WWC2: variants seen among roughly 807,000 people sequenced by gnomAD.
WWC2 encodes the protein WW and C2 domain containing 2.
A neutral mutation model predicts 138.5 loss-of-function variants in WWC2; 101 were observed. The observed-to-expected ratio is 0.73, with a 90% CI of 0.62 to 0.86. WWC2 has a LOEUF of 0.86. WWC2 is among the 40% of genes least tolerant of loss of function. WWC2 has a pLI of 0.00. For missense variants in WWC2, 1,420 were observed against 1,419.4 expected (o/e 1.00, Z -0.01); for synonymous variants, 558 against 538.4 (o/e 1.04, Z -0.50).
At chr4:183,255,487 C>T (rs187703861) in intron 9 of WWC2, among the ~76,000 whole-genome samples, 137 of 152,196 alleles carry the variant, frequency 9.0e-4, no homozygotes, top group African/African-American at 3.1e-3. Flanking sequence ...TTTTATGTGG[C>T]CCATGTATAA....
chr4:183,202,464 G>A (rs1400022068), intron 2 of WWC2, among the ~76,000 whole-genome samples: 1 of 152,240 alleles, frequency 6.6e-6, no homozygotes, highest in African/African-American at 2.4e-5. Flanking sequence ...GCAACATTAT[G>A]TGTCATACTA....
chr4:183,171,418 A>G (rs888018760), intron 1 of WWC2, among the ~76,000 whole-genome samples: 2 of 152,226 alleles, frequency 1.3e-5, no homozygotes, highest in African/African-American at 2.4e-5. Flanking sequence ...GTATATTGGT[A>G]ATATCTTCAT....
chr4:183,320,002 A>G lies in WWC2; in HGVS notation c.*4273A>G, dbSNP rs999612589. On this transcript the variant is annotated 3_prime_UTR_variant, in exon 23 of 23. Coordinates refer to ENST00000403733, the MANE Select transcript of WWC2 (RefSeq NM_024949.6). ...CTGGAGACCCTGAGTTCAGCAGGCA[A>G]AGCCAGGAAGGAGTCAAAGTCCTTG... 2 of 1,613,904 alleles carry G rather than the reference A, an allele frequency of 1.2e-6. No individual in the cohort carries two copies. The highest frequency in any genetic ancestry group is 1.7e-6 in the Non-Finnish European group (2 of 1,179,838).
At chr4:183,210,464 CTGTG>C (rs1175145006) in intron 4 of WWC2, among the ~76,000 whole-genome samples, 2 of 152,168 alleles carry the variant, frequency 1.3e-5, no homozygotes, top group Middle Eastern at 3.2e-3. Flanking sequence ...AAAATGGTAA[CTGTG>C]TGAGCTGATG....
intron 1 of WWC2, among the ~76,000 whole-genome samples, chr4:183,127,185 A>G (rs1732785467): frequency 1.3e-5 from 2 of 152,220 alleles, no homozygotes; most frequent in African/African-American, 4.8e-5. Flanking sequence ...TGATTCAAAG[A>G]TTAAACGTAT....
At position 183,099,504 on chromosome 4, in the gene WWC2, G is replaced by T; in HGVS notation, c.13G>T (p.Ala5Ser). The change falls in exon 1 of 23, where the codon GCC becomes TCC. Residue 5 changes from alanine to serine, a missense_variant. Transcript: ENST00000403733. MPRR[A>S]GSGQLPLPRG... ...GAGGCCGCCGACCATGCCTAGGAGGGCCGGGAGCGGTCAGCTGCCGCTGCC... is the reference window on the plus strand; with the variant it reads ...GAGGCCGCCGACCATGCCTAGGAGGTCCGGGAGCGGTCAGCTGCCGCTGCC... The T allele has an allele frequency of 7.2e-7, 1 of 1,384,316 alleles. No homozygotes were observed. Among genetic ancestry groups the T allele is most frequent in the Non-Finnish European group, 9.5e-7 (1 of 1,052,344 alleles). 85.8% of individuals were successfully genotyped at this position (1,384,316 alleles called of 1,614,324 possible).
rs566064852 is a variant in WWC2 at position 183,210,207 on chromosome 4, G to A, written c.522+1182G>A. ...TGCATTATATGTGGAACACTTATATGTTGACCCTTAAAAGGAGATCAAATA... is the reference window on the plus strand; with the variant it reads ...TGCATTATATGTGGAACACTTATATATTGACCCTTAAAAGGAGATCAAATA... On this transcript the variant is annotated intron_variant, in intron 4 of 22. Coordinates refer to ENST00000403733, the MANE Select transcript of WWC2 (RefSeq NM_024949.6). Among the ~76,000 whole-genome samples, 13 of 152,172 alleles carry A rather than the reference G, an allele frequency of 8.5e-5. No individual in the cohort carries two copies. In the East Asian group the frequency reaches 2.3e-3, roughly 27 times the overall value.
chr4:183,105,976 A>G (rs1743342947), intron 1 of WWC2, among the ~76,000 whole-genome samples: 1 of 151,666 alleles, frequency 6.6e-6, no homozygotes, highest in Non-Finnish European at 1.5e-5. Context: ...AATGTAGAAG[A>G]GGAAAGGGAT....
intron 1 of WWC2, among the ~76,000 whole-genome samples, chr4:183,182,445 C>CA (rs1416423218): frequency 4.6e-5 from 7 of 152,228 alleles, no homozygotes; most frequent in Non-Finnish European, 7.3e-5. Flanking sequence ...CTACCTCTCT[C>CA]AAACACTCAT....
At chr4:183,169,437 ATTT>A (rs55710913) in intron 1 of WWC2, among the ~76,000 whole-genome samples, 1 of 151,632 alleles carries the variant, frequency 6.6e-6, no homozygotes. Context: ...TTTTAAAATA[ATTT>A]TTTTTTTATT....
chr4:183,228,124 A>T (rs946353371), intron 4 of WWC2, among the ~76,000 whole-genome samples: 2 of 152,096 alleles, frequency 1.3e-5, no homozygotes, highest in East Asian at 3.8e-4. Flanking sequence ...GAAGAAAAAG[A>T]TATACCAATC....
At chr4:183,211,652 C>CG (rs1356511353) in intron 4 of WWC2, among the ~76,000 whole-genome samples, 1 of 152,134 alleles carries the variant, frequency 6.6e-6, no homozygotes, top group Non-Finnish European at 1.5e-5. Context: ...TGCTGAACTT[C>CG]ACGTCTCTTC....
chr4:183,133,579 C>A (rs1733009707), intron 1 of WWC2, among the ~76,000 whole-genome samples: 1 of 152,158 alleles, frequency 6.6e-6, no homozygotes, highest in South Asian at 2.1e-4. Flanking sequence ...TCACTGCAAC[C>A]TCTGCCTTCC....
chr4:183,256,884 GCCC>G lies in WWC2; in HGVS notation c.1197-2738_1197-2736del, dbSNP rs60733090. On this transcript the variant is annotated intron_variant, in intron 9 of 22. Coordinates refer to ENST00000403733, the MANE Select transcript of WWC2 (RefSeq NM_024949.6). ...TTCAGTCTCTGAGTGTGATCCTACA[GCCC>G]CCCCCCCCCCCCCCCCGGCTCTGTT... Among the ~76,000 whole-genome samples the G allele has an allele frequency of 1.6e-3, 128 of 80,964 alleles. 1 individual carries two copies. Among genetic ancestry groups the G allele is most frequent in the African/African-American group, 3.0e-3 (38 of 12,728 alleles). 53.1% of individuals were successfully genotyped at this position (80,964 alleles called of 152,430 possible).
At chr4:183,155,593 G>A (rs1472203708) in intron 1 of WWC2, among the ~76,000 whole-genome samples, 2 of 152,122 alleles carry the variant, frequency 1.3e-5, no homozygotes, top group Admixed American at 6.5e-5. Context: ...GTATAGGGGT[G>A]AAAAAGGTGT....
At chr4:183,177,490 T>C (rs989844691) in intron 1 of WWC2, among the ~76,000 whole-genome samples, 1 of 152,076 alleles carries the variant, frequency 6.6e-6, no homozygotes, top group African/African-American at 2.4e-5. Context: ...AAGAAGGAAA[T>C]TGTAGGGCCT....
intron 16 of WWC2, 30 bp from the exon 17 acceptor site, chr4:183,280,746 G>A: frequency 6.3e-7 from 1 of 1,578,668 alleles, no homozygotes; most frequent in East Asian, 2.3e-5. Context: ...AGTATATTAT[G>A]TTAATTGCCG....
At chr4:183,276,411 T>C (rs1737856992) in intron 16 of WWC2, among the ~76,000 whole-genome samples, 1 of 152,082 alleles carries the variant, frequency 6.6e-6, no homozygotes, top group African/African-American at 2.4e-5. Context: ...TTTTGAATTA[T>C]TTTTAAATTT....
At chr4:183,178,790 C>A (rs1240861560) in intron 1 of WWC2, among the ~76,000 whole-genome samples, 2 of 152,128 alleles carry the variant, frequency 1.3e-5, no homozygotes, top group African/African-American at 4.8e-5. Flanking sequence ...GGCGCATAAT[C>A]GAGAACTACA....
Sources: gnomAD v4.1 joint callset for allele counts (sites outside exome capture counted in the v4.1 genomes callset) on GRCh38, gnomAD v4.1.1 for gene constraint, MANE v1.5 for transcripts, NCBI Gene and HGNC (gene_info 2026-07-23, HGNC 2026-07-21) for gene names.